Variants in NAV3 observed in about 807,000 individuals in gnomAD.
NAV3 encodes the protein neuron navigator 3.
In NAV3, 87 loss-of-function variants were observed where a neutral mutation model predicts 244.7. The ratio of observed to expected loss-of-function variants is 0.36; its 90% CI spans 0.30 to 0.42. The LOEUF is 0.42. NAV3 is among the 20% of genes least tolerant of loss of function. NAV3 has a pLI of 1.00. For missense variants in NAV3, 2,663 were observed against 2,893.3 expected, an observed-to-expected ratio of 0.92 and a Z score of 1.83; for synonymous variants, 1,126 against 1,042.2, an observed-to-expected ratio of 1.08 and a Z score of -1.55.
At chr12:78,176,343 T>C in intron 25 of NAV3, 96 bp from the exon 26 acceptor site, 1 of 1,199,874 alleles carries the variant, frequency 8.3e-7, no homozygotes, top group South Asian at 1.5e-5. Context: ...AATATCTTTT[T>C]ATCTTAAAAA....
chr12:77,843,356 A>G (rs1876029261), intron 1 of NAV3, among the ~76,000 whole-genome samples: 1 of 151,894 alleles, frequency 6.6e-6, no homozygotes, highest in Admixed American at 6.6e-5. Flanking sequence ...CCAGGTCTGC[A>G]CTGTGGACCC....
At chr12:77,836,069 C>A (rs925460737) in intron 1 of NAV3, among the ~76,000 whole-genome samples, 1 of 152,178 alleles carries the variant, frequency 6.6e-6, no homozygotes, top group African/African-American at 2.4e-5. Context: ...CTCAAATTTT[C>A]TAATCTCTCT....
intron 2 of NAV3, among the ~76,000 whole-genome samples, chr12:77,693,102 A>G (rs1042020430): frequency 6.6e-6 from 1 of 152,132 alleles, no homozygotes; most frequent in Non-Finnish European, 1.5e-5. Context: ...GAAACGAGAG[A>G]AAAGGGGTAG....
At chr12:78,030,428 A>G (rs554836104) in intron 9 of NAV3, among the ~76,000 whole-genome samples, 9 of 152,190 alleles carry the variant, frequency 5.9e-5, no homozygotes, top group Non-Finnish European at 1.3e-4. Flanking sequence ...ATGTGGAAAG[A>G]GAAATGTTCT....
intron 22 of NAV3, among the ~76,000 whole-genome samples, chr12:78,157,529 C>T (rs570583343): frequency 6.6e-6 from 1 of 152,046 alleles, no homozygotes; most frequent in South Asian, 2.1e-4. Context: ...GCACTGCACT[C>T]CAGCCTGGGT....
chr12:78,186,319 A>G (rs1958717985), intron 31 of NAV3, among the ~76,000 whole-genome samples: 1 of 151,942 alleles, frequency 6.6e-6, no homozygotes. Flanking sequence ...GAGTGGCCAA[A>G]AATACAAATT....
chr12:78,079,688 C>A (rs1449221172), intron 12 of NAV3, among the ~76,000 whole-genome samples: 1 of 152,010 alleles, frequency 6.6e-6, no homozygotes, highest in Non-Finnish European at 1.5e-5. Context: ...AAACAGGAGG[C>A]TTTTTTATTT....
chr12:77,740,845 G>A (rs907557830), intron 2 of NAV3, among the ~76,000 whole-genome samples: 4 of 152,060 alleles, frequency 2.6e-5, no homozygotes, highest in African/African-American at 7.2e-5. Flanking sequence ...TGAATTAGAA[G>A]TGGAAAAAGA....
At chr12:77,778,666 T>G (rs1870512599) in intron 2 of NAV3, among the ~76,000 whole-genome samples, 1 of 151,240 alleles carries the variant, frequency 6.6e-6, no homozygotes, top group Non-Finnish European at 1.5e-5. Context: ...GGAAAGAGAC[T>G]TTATTTTTTT....
chr12:77,614,935 T>C (rs1871091786), intron 2 of NAV3, among the ~76,000 whole-genome samples: 1 of 152,150 alleles, frequency 6.6e-6, no homozygotes, highest in South Asian at 2.1e-4. Context: ...GGAGAGGTGG[T>C]AGCAACATCT....
At chr12:78,197,545 T>G in intron 35 of NAV3, 144 bp downstream of exon 35, 1 of 550,574 alleles carries the variant, frequency 1.8e-6, no homozygotes, top group Non-Finnish European at 3.0e-6. Flanking sequence ...ACATATTGAT[T>G]GTGTACACCA....
intron 2 of NAV3, among the ~76,000 whole-genome samples, chr12:77,809,460 G>A (rs1162114610): frequency 6.6e-6 from 1 of 152,216 alleles, no homozygotes; most frequent in Admixed American, 6.5e-5. Flanking sequence ...CGGGTGAGGT[G>A]ACGCCCCACC....
intron 2 of NAV3, among the ~76,000 whole-genome samples, chr12:77,816,872 A>G (rs1419936234): frequency 1.4e-4 from 21 of 152,210 alleles, no homozygotes; most frequent in Non-Finnish European, 7.3e-5. Flanking sequence ...AAACTATGGC[A>G]GGATAAGCTT....
chr12:77,875,748 A>G (rs1038542525), intron 1 of NAV3, among the ~76,000 whole-genome samples: 4 of 152,220 alleles, frequency 2.6e-5, no homozygotes, highest in East Asian at 1.9e-4. Context: ...TTTCAAATAT[A>G]TTAACAATAA....
chr12:78,178,235 C>A (rs1230071513), intron 28 of NAV3, among the ~76,000 whole-genome samples: 1 of 149,654 alleles, frequency 6.7e-6, no homozygotes, highest in Admixed American at 6.7e-5. Context: ...TCTCGGTTCA[C>A]TGCAACCTCT....
intron 2 of NAV3, among the ~76,000 whole-genome samples, chr12:77,612,103 C>T (rs696070): frequency 0.16 from 23,765 of 151,954 alleles, 2,683 homozygotes; most frequent in African/African-American, 0.32. Context: ...GACTAGACTG[C>T]ATGAGTTCAT....
intron 7 of NAV3, among the ~76,000 whole-genome samples, chr12:78,000,992 AT>A (rs1316981550): frequency 7.0e-6 from 1 of 143,630 alleles, no homozygotes; most frequent in Non-Finnish European, 1.5e-5. Context: ...AAAAAAAAAA[AT>A]TATAAGTTAT....
intron 34 of NAV3, among the ~76,000 whole-genome samples, chr12:78,195,868 A>G (rs1323879088): frequency 1.3e-5 from 2 of 151,682 alleles, no homozygotes; most frequent in Admixed American, 6.6e-5. Context: ...TAATGTGACA[A>G]CTCTTAGAGC....
At chr12:78,029,379 C>A (rs760733614) in intron 9 of NAV3, among the ~76,000 whole-genome samples, 5 of 152,002 alleles carry the variant, frequency 3.3e-5, no homozygotes, top group Admixed American at 1.3e-4. Flanking sequence ...AGAAAAAGTG[C>A]CTAGAGACAA....
Sources: gnomAD v4.1 joint callset for allele counts (sites outside exome capture counted in the v4.1 genomes callset) on GRCh38, gnomAD v4.1.1 for gene constraint, MANE v1.5 for transcripts, NCBI Gene and HGNC (gene_info 2026-07-23, HGNC 2026-07-21) for gene names.